Variants in COL21A1 observed in about 807,000 individuals in gnomAD.
COL21A1 encodes collagen alpha-1(XXI) chain.
Under a neutral mutation model 137.9 loss-of-function variants are expected in COL21A1, and 149 were observed. The ratio of observed to expected loss-of-function variants is 1.08; its 90% CI spans 0.95 to 1.24. COL21A1 has a LOEUF of 1.24. Among genes scored for constraint, COL21A1 ranks in the 50% most tolerant of loss-of-function variants. The pLI, the probability that COL21A1 is intolerant of heterozygous loss-of-function variation, is 0.00. For synonymous variants in COL21A1, 456 were observed against 391.5 expected, an observed-to-expected ratio of 1.16 and a Z score of -1.95; for missense variants, 1,167 against 1,158.4, an observed-to-expected ratio of 1.01 and a Z score of -0.11.
At chr6:56,224,084 A>T (rs1781039155) in intron 1 of COL21A1, among the ~76,000 whole-genome samples, 1 of 152,080 alleles carries the variant, frequency 6.6e-6, no homozygotes, top group Non-Finnish European at 1.5e-5. Context: ...TTTTTATAAG[A>T]CTGGGGATTT....
chr6:56,388,566 T>C (rs2094023036), intron 1 of COL21A1, among the ~76,000 whole-genome samples: 2 of 152,240 alleles, frequency 1.3e-5, no homozygotes, highest in Admixed American at 6.5e-5. Context: ...GGGAACTCCC[T>C]GTCCTCTTCT....
chr6:56,060,805 A>AG lies in COL21A1; in HGVS notation c.2353-11dup. 1 of 1,607,048 alleles carries AG rather than the reference A, an allele frequency of 6.2e-7. No individual in the cohort carries two copies. The highest frequency in any genetic ancestry group is 8.5e-7 in the Non-Finnish European group (1 of 1,177,942). ...CTGAAAACTCTCTTCCCTGCATCAAAGTGTTAGGGGTTATAACATGCACAT... is the reference window on the plus strand; with the variant it reads ...CTGAAAACTCTCTTCCCTGCATCAAAGGTGTTAGGGGTTATAACATGCACAT... On this transcript the variant is annotated splice_polypyrimidine_tract_variant and intron_variant, in intron 26 of 29. Coordinates refer to ENST00000244728, the MANE Select transcript of COL21A1 (RefSeq NM_030820.4).
At chr6:56,247,024 G>A (rs3857614) in intron 1 of COL21A1, among the ~76,000 whole-genome samples, 70,701 of 151,830 alleles carry the variant, frequency 0.47, 18,055 homozygotes, top group African/African-American at 0.66. Flanking sequence ...CGCGCTCAGC[G>A]CCACGTGTGG....
chr6:56,378,016 C>T (rs904807273), intron 1 of COL21A1, among the ~76,000 whole-genome samples: 2 of 152,080 alleles, frequency 1.3e-5, no homozygotes, highest in Admixed American at 1.3e-4. Flanking sequence ...GTCCTAGCAG[C>T]ATTCGTCACC....
chr6:56,060,787 C>A lies in COL21A1; in HGVS notation c.2361G>T (p.Glu787Asp). 3 of 1,609,918 alleles carry A rather than the reference C, an allele frequency of 1.9e-6. No individual in the cohort carries two copies. The highest frequency in any genetic ancestry group is 2.5e-6 in the Non-Finnish European group (3 of 1,178,804). Residue 787 changes from glutamate to aspartate, a missense_variant, in exon 27 of 30, where the codon GAG (glutamate) becomes GAT (aspartate). Glu to Asp is a conservative substitution (Grantham distance 45, BLOSUM62 2). Coordinates refer to ENST00000244728, the MANE Select transcript of COL21A1 (RefSeq NM_030820.4). Reference protein sequence around the residue: ...PPGLDGKPGREFSEQFIRQVC... With the variant: ...PPGLDGKPGRDFSEQFIRQVC... ...CTTGTCGAATAAATTGTTCTGAAAA[C>A]TCTCTTCCCTGCATCAAAGTGTTAG...
intron 1 of COL21A1, among the ~76,000 whole-genome samples, chr6:56,278,365 G>A (rs1015221247): frequency 6.6e-6 from 1 of 152,136 alleles, no homozygotes; most frequent in Non-Finnish European, 1.5e-5. Flanking sequence ...GGGAGCAAAA[G>A]GTTTGACAGT....
At chr6:56,202,632 T>C (rs1238284557) in intron 1 of COL21A1, among the ~76,000 whole-genome samples, 2 of 152,200 alleles carry the variant, frequency 1.3e-5, no homozygotes, top group Admixed American at 1.3e-4. Context: ...TTAACCACTA[T>C]CACATCCCCA....
At chr6:56,174,412 G>A (rs1364943322) in intron 3 of COL21A1, among the ~76,000 whole-genome samples, 1 of 151,778 alleles carries the variant, frequency 6.6e-6, no homozygotes, top group African/African-American at 2.4e-5. Context: ...CAACAAAATT[G>A]ACAAACCTTT....
intron 7 of COL21A1, among the ~76,000 whole-genome samples, chr6:56,165,136 G>A (rs1159720016): frequency 6.6e-6 from 1 of 152,108 alleles, no homozygotes; most frequent in Non-Finnish European, 1.5e-5. Flanking sequence ...TTTATATGCT[G>A]TCTTGAAATT....
At chr6:56,059,349 AC>A in intron 28 of COL21A1, 107 bp from the exon 29 acceptor site, 1 of 662,338 alleles carries the variant, frequency 1.5e-6, no homozygotes, top group Non-Finnish European at 2.4e-6. Flanking sequence ...TCTTTTAAAA[AC>A]CAGCTTGCCA....
In COL21A1 at chr6:56,064,574, A is replaced by C; in HGVS notation, c.2172+4T>G. On this transcript the variant is annotated splice_donor_region_variant and intron_variant, in intron 24 of 29. Transcript: ENST00000244728. The stretch of plus-strand genomic sequence containing the variant: ...TTTTTTATCAGAAGAAAACCAAAAA[A>C]TACCTGTTGCCCTGGAATTCCCTGT... The C allele has an allele frequency of 6.3e-7, 1 of 1,590,916 alleles. No individual in the cohort carries two copies. Among genetic ancestry groups the C allele is most frequent in the Non-Finnish European group, 8.6e-7 (1 of 1,166,042 alleles).
At chr6:56,335,392 A>G (rs992123133) in intron 1 of COL21A1, among the ~76,000 whole-genome samples, 2 of 152,184 alleles carry the variant, frequency 1.3e-5, no homozygotes, top group Admixed American at 6.6e-5. Flanking sequence ...TCAGATTGCT[A>G]TCTCTAGTGA....
intron 1 of COL21A1, among the ~76,000 whole-genome samples, chr6:56,274,916 A>G (rs1407912379): frequency 6.6e-6 from 1 of 152,200 alleles, no homozygotes; most frequent in African/African-American, 2.4e-5. Flanking sequence ...AGCAATCCTA[A>G]GCAAAGAGAA....
At chr6:56,176,422 C>CA (rs35782466) in intron 3 of COL21A1, among the ~76,000 whole-genome samples, 83,319 of 147,628 alleles carry the variant, frequency 0.56, 23,510 homozygotes, top group East Asian at 0.78. Context: ...AACTCAGCAA[C>CA]AAAAAAAAAA....
chr6:56,101,512 G>A lies in COL21A1; in HGVS notation c.1772C>T (p.Ser591Phe), dbSNP rs772334488. 1 of 1,591,526 alleles carries A rather than the reference G, an allele frequency of 6.3e-7. No homozygotes were observed. Residue 591 changes from serine to phenylalanine, a missense_variant, in exon 17 of 30, where the codon TCC (serine) becomes TTC (phenylalanine). Physicochemically the swap from Ser to Phe is radical, Grantham distance 155. Coordinates refer to ENST00000244728, the MANE Select transcript of COL21A1 (RefSeq NM_030820.4). ...GSPGFKGEAG[S>F]PGAPGQDGTR... Reference sequence around the variant, plus strand: ...TCCATCCTGCCCCGGAGCACCAGGGGATCCTGCTTCTCCCTTTTAATGATT... The same window carrying A: ...TCCATCCTGCCCCGGAGCACCAGGGAATCCTGCTTCTCCCTTTTAATGATT...
chr6:56,331,624 C>A (rs1382054046), intron 1 of COL21A1, among the ~76,000 whole-genome samples: 1 of 151,880 alleles, frequency 6.6e-6, no homozygotes, highest in Non-Finnish European at 1.5e-5. Flanking sequence ...TCTATTCTGT[C>A]CCATTTATCT....
At chr6:56,365,504 T>G (rs978561637) in intron 1 of COL21A1, among the ~76,000 whole-genome samples, 1 of 152,208 alleles carries the variant, frequency 6.6e-6, no homozygotes, top group Non-Finnish European at 1.5e-5. Flanking sequence ...ATCTTTTTTT[T>G]CGTGGTTTTG....
At chr6:56,285,762 C>A (rs1281920804) in intron 1 of COL21A1, among the ~76,000 whole-genome samples, 1 of 151,998 alleles carries the variant, frequency 6.6e-6, no homozygotes, top group Non-Finnish European at 1.5e-5. Flanking sequence ...TAAAACCTTC[C>A]TCCAGGACCC....
intron 1 of COL21A1, among the ~76,000 whole-genome samples, chr6:56,331,253 A>C (rs550498512): frequency 7.1e-6 from 1 of 140,230 alleles, no homozygotes; most frequent in African/African-American, 2.6e-5. Flanking sequence ...CAGGTTGTCT[A>C]TTTTTTTTTT....
Sources: allele counts gnomAD v4.1 joint callset (sites outside exome capture counted in the v4.1 genomes callset), GRCh38; gene constraint gnomAD v4.1.1; transcripts MANE v1.5; gene names NCBI Gene and HGNC (gene_info 2026-07-23, HGNC 2026-07-21).